RFPL1: variants seen among roughly 807,000 people sequenced by gnomAD.
The protein encoded by RFPL1 is ret finger protein like 1.
A neutral mutation model predicts 9.6 loss-of-function variants in RFPL1; 6 were observed. The ratio of observed to expected loss-of-function variants is 0.62; its 90% CI spans 0.34 to 1.23. The LOEUF is 1.23. RFPL1 is among the 50% of genes most tolerant of loss of function. The probability of loss-of-function intolerance (pLI) is 0.03; values close to 1 mark genes in which losing one functional copy is unlikely to be tolerated. For synonymous variants in RFPL1, 145 were observed against 149.4 expected, an observed-to-expected ratio of 0.97 and a Z score of 0.22; for missense variants, 352 against 398.4, an observed-to-expected ratio of 0.88 and a Z score of 0.99.
chr22:29,430,623 C>T, the RFPL1 span, among the ~76,000 whole-genome samples: 19,202 of 152,000 alleles, frequency 0.13, 1,679 homozygotes, highest in South Asian at 0.18. Flanking sequence ...TGCATTTTCA[C>T]GATCTTGGAG....
At chr22:29,423,894 G>A in the RFPL1 span, among the ~76,000 whole-genome samples, 64 of 152,206 alleles carry the variant, frequency 4.2e-4, no homozygotes, top group African/African-American at 1.3e-3. Flanking sequence ...CAAAGCTCAC[G>A]GTGTAAAGTA....
At chr22:29,405,095 A>G in the RFPL1 span, among the ~76,000 whole-genome samples, 1 of 152,172 alleles carries the variant, frequency 6.6e-6, no homozygotes, top group African/African-American at 2.4e-5. Flanking sequence ...AAATGGATAA[A>G]AATATACTAT....
chr22:29,405,092 T>A, the RFPL1 span, among the ~76,000 whole-genome samples: 73 of 152,202 alleles, frequency 4.8e-4, no homozygotes, highest in Admixed American at 3.1e-3. Context: ...TATAAATGGA[T>A]AAAAATATAC....
At chr22:29,437,692 G>A, upstream of RFPL1, 2 of 1,585,016 alleles carry the variant, frequency 1.3e-6, no homozygotes, top group Non-Finnish European at 8.5e-7. Context: ...AGCGCCCAGT[G>A]GAAGCAGCTG....
the RFPL1 span, among the ~76,000 whole-genome samples, chr22:29,410,506 GA>G: frequency 6.3e-5 from 4 of 63,648 alleles, no homozygotes; most frequent in South Asian, 6.3e-4. Flanking sequence ...TCTATATATA[GA>G]GAGATATATA....
At chr22:29,425,701 T>TCA in the RFPL1 span, among the ~76,000 whole-genome samples, 3 of 152,190 alleles carry the variant, frequency 2.0e-5, no homozygotes, top group Non-Finnish European at 2.9e-5. Context: ...GTGTGGTGGC[T>TCA]CACGCCTGTA....
At chr22:29,430,534 C>T in the RFPL1 span, among the ~76,000 whole-genome samples, 1 of 152,010 alleles carries the variant, frequency 6.6e-6, no homozygotes, top group Non-Finnish European at 1.5e-5. Flanking sequence ...AAAACAACAA[C>T]AAAAACAGGA....
the RFPL1 span, among the ~76,000 whole-genome samples, chr22:29,415,637 C>T: frequency 1.3e-5 from 2 of 152,356 alleles, no homozygotes; most frequent in East Asian, 1.9e-4. Flanking sequence ...CCTCAGACAC[C>T]GGGTTAAACA....
At chr22:29,438,783 C>G in exon 1 of RFPL1, 4 of 1,611,130 alleles carry the variant, frequency 2.5e-6, no homozygotes, top group Non-Finnish European at 3.4e-6. Context: ...GGACACAATA[C>G]CTTTATGCAT....
upstream of RFPL1, among the ~76,000 whole-genome samples, chr22:29,434,063 A>G (rs573437360): frequency 6.6e-6 from 1 of 152,228 alleles, no homozygotes; most frequent in East Asian, 1.9e-4. Flanking sequence ...TGTTGCCCAG[A>G]TTGGTCTCAA....
At chr22:29,430,631 G>A in the RFPL1 span, among the ~76,000 whole-genome samples, 1 of 152,064 alleles carries the variant, frequency 6.6e-6, no homozygotes, top group Non-Finnish European at 1.5e-5. Context: ...CACGATCTTG[G>A]AGAAAAAGTC....
the RFPL1 span, among the ~76,000 whole-genome samples, chr22:29,402,696 G>A: frequency 1.3e-5 from 2 of 148,884 alleles, no homozygotes; most frequent in Non-Finnish European, 2.9e-5. Flanking sequence ...GTGAGCAAAC[G>A]AAAGCTGCCA....
the RFPL1 span, among the ~76,000 whole-genome samples, chr22:29,396,567 T>C: frequency 2.0e-5 from 3 of 152,222 alleles, no homozygotes; most frequent in South Asian, 6.2e-4. Context: ...GATTAAATTG[T>C]AGAACTAATG....
chr22:29,437,087 T>C (rs1424601206), upstream of RFPL1: 1 of 152,260 alleles, frequency 6.6e-6, no homozygotes. Flanking sequence ...AAATTGTGAC[T>C]TTTATCTTAA....
the RFPL1 span, among the ~76,000 whole-genome samples, chr22:29,402,365 C>T: frequency 1.3e-5 from 2 of 152,144 alleles, no homozygotes; most frequent in Non-Finnish European, 2.9e-5. Context: ...AAGAAAAACA[C>T]GCTTTATGCA....
chr22:29,419,732 G>A, the RFPL1 span, among the ~76,000 whole-genome samples: 333 of 150,894 alleles, frequency 2.2e-3, 2 homozygotes, highest in South Asian at 0.019. Context: ...GAGGCCAGAG[G>A]TCGAGGCTGC....
upstream of RFPL1, chr22:29,437,709 A>C (rs2062815412): frequency 6.3e-6 from 10 of 1,586,742 alleles, no homozygotes; most frequent in East Asian, 2.3e-4. Context: ...GCTGGAGGAC[A>C]GAGGAGCTTC....
chr22:29,391,580 G>T, the RFPL1 span, among the ~76,000 whole-genome samples: 3 of 152,212 alleles, frequency 2.0e-5, no homozygotes, highest in Non-Finnish European at 4.4e-5. Context: ...GCAAGTCAGT[G>T]GTTGAAGGAG....
the RFPL1 span, among the ~76,000 whole-genome samples, chr22:29,413,361 T>G: frequency 3.9e-5 from 6 of 152,138 alleles, no homozygotes; most frequent in African/African-American, 1.4e-4. Flanking sequence ...CTCGGGGTGG[T>G]ACATGTGCTA....
Sources: gnomAD v4.1 joint callset for allele counts (sites outside exome capture counted in the v4.1 genomes callset) on GRCh38, gnomAD v4.1.1 for gene constraint, MANE v1.5 for transcripts, NCBI Gene and HGNC (gene_info 2026-07-23, HGNC 2026-07-21) for gene names.